The following ANKHD1 variants were observed in gnomAD, a reference collection of about 807,000 sequenced individuals.
ANKHD1 encodes ankyrin repeat and KH domain-containing protein 1.
In ANKHD1, 31 loss-of-function variants were observed where a neutral mutation model predicts 230.5. That is an observed-to-expected ratio of 0.13 (90% CI 0.10 to 0.18). The LOEUF (loss-of-function observed/expected upper bound fraction) is 0.18, where lower values mean the gene tolerates loss of function less well. Ranked by LOEUF, ANKHD1 falls within the 10% of genes least tolerant of loss-of-function variation. The probability of loss-of-function intolerance (pLI) is 1.00; values close to 1 mark genes in which losing one functional copy is unlikely to be tolerated. For synonymous variants in ANKHD1, 1,074 were observed against 1,117.6 expected, an observed-to-expected ratio of 0.96 and a Z score of 0.78; for missense variants, 2,256 against 3,071.3, an observed-to-expected ratio of 0.73 and a Z score of 6.27.
At chr5:140,423,390 T>A in intron 1 of ANKHD1, among the ~76,000 whole-genome samples, 1 of 152,180 alleles carries the variant, frequency 6.6e-6, no homozygotes. Context: ...CTCTAAAGAT[T>A]GATATTTGAG....
At chr5:140,468,359 T>G (rs543579208) in intron 10 of ANKHD1, among the ~76,000 whole-genome samples, 6 of 152,208 alleles carry the variant, frequency 3.9e-5, no homozygotes, top group African/African-American at 1.4e-4. Flanking sequence ...TTTGTTGCTT[T>G]CTTTGGACTG....
rs557868571 is a variant in ANKHD1 at position 140,527,630 on chromosome 5, A to G, written c.5088-243A>G. On this transcript the variant is annotated intron_variant, in intron 27 of 33. Coordinates refer to ENST00000360839, the MANE Select transcript of ANKHD1 (RefSeq NM_017747.3). This position sits in a 1 kb window ranked among gnomAD's most constrained non-coding sequence, Gnocchi z 4.5. ...GATTTAAATATAATTTTTGTTTTCA[A>G]TGGCAGTGTAATTTTTAAAATTAGG... Among the ~76,000 whole-genome samples the G allele has an allele frequency of 2.4e-4, 36 of 152,332 alleles. No homozygotes were observed. Among genetic ancestry groups the G allele is most frequent in the East Asian group, 5.8e-4 (3 of 5,196 alleles).
chr5:140,535,146 G>T (rs1216162186), intron 29 of ANKHD1, among the ~76,000 whole-genome samples: 1 of 152,088 alleles, frequency 6.6e-6, no homozygotes, highest in Non-Finnish European at 1.5e-5. Context: ...GCTGTTTGGC[G>T]ATATTCTTCT....
intron 24 of ANKHD1, among the ~76,000 whole-genome samples, chr5:140,518,824 A>G (rs1753175964): frequency 6.6e-6 from 1 of 152,210 alleles, no homozygotes; most frequent in Non-Finnish European, 1.5e-5. Flanking sequence ...CCCACAGCCA[A>G]TATCATACTG....
chr5:140,411,803 C>T (rs557101379), intron 1 of ANKHD1, among the ~76,000 whole-genome samples: 2 of 151,686 alleles, frequency 1.3e-5, no homozygotes, highest in East Asian at 3.9e-4. Context: ...GGATTATAGG[C>T]TTGAGCCACT....
chr5:140,424,054 G>A (rs558409776), intron 1 of ANKHD1, among the ~76,000 whole-genome samples: 3 of 152,148 alleles, frequency 2.0e-5, no homozygotes, highest in South Asian at 2.1e-4. Context: ...AGGATTTGGC[G>A]TTGTCTATCT....
rs1753589677 is a variant in ANKHD1 at position 140,525,921 on chromosome 5, A to G, written c.4493-75A>G. 3.4e-6 allele frequency: 5 copies of G among 1,463,402 alleles called. No individual in the cohort carries two copies. In the South Asian group the frequency reaches 7.4e-5, roughly 22 times the overall value. 90.7% of individuals were successfully genotyped at this position (1,463,402 alleles called of 1,614,324 possible). On this transcript the variant is annotated intron_variant, in intron 25 of 33. Coordinates refer to ENST00000360839, the MANE Select transcript of ANKHD1 (RefSeq NM_017747.3). ...GTAAAACACTGAATTATTATGAATTATCAAATATATTCTGTCAGAATTTGT... is the reference window on the plus strand; with the variant it reads ...GTAAAACACTGAATTATTATGAATTGTCAAATATATTCTGTCAGAATTTGT...
At chr5:140,537,689 A>T in intron 31 of ANKHD1, 100 bp downstream of exon 31, 1 of 1,436,884 alleles carries the variant, frequency 7.0e-7, no homozygotes. Context: ...AAAAAAACTT[A>T]GTTCCTATGT....
rs769072667 is a variant in ANKHD1, at chr5:140,529,709, C to T, written c.6763C>T (p.Leu2255Phe). 8.7e-6 allele frequency: 14 copies of T among 1,614,066 alleles called. No individual in the cohort carries two copies. The South Asian group carries it at 1.1e-4, about 13-fold the overall frequency. The change falls in exon 29 of 34, where the codon CTT (leucine) becomes TTT (phenylalanine). Residue 2255 changes from leucine (L) to phenylalanine (F), a missense_variant. Coordinates refer to ENST00000360839, the MANE Select transcript of ANKHD1 (RefSeq NM_017747.3). The part of the protein sequence containing the change: ...VQSAFLGNSV[L>F]GHLENMHPDN... The stretch of plus-strand genomic sequence containing the variant: ...GTCAGCGTTCCTGGGTAACTCAGTG[C>T]TTGGACACTTGGAAAACATGCACCC...
chr5:140,414,364 A>G (rs945144444), intron 1 of ANKHD1, among the ~76,000 whole-genome samples: 10 of 152,126 alleles, frequency 6.6e-5, no homozygotes, highest in African/African-American at 2.2e-4. Flanking sequence ...ACAGTTATTT[A>G]TGTTTGTTTT....
rs1293223115 is a variant in ANKHD1, at chr5:140,402,000, C to T, written c.33C>T (p.Ser11=). The change falls in exon 1 of 34, where the codon TCC becomes TCT. Residue 11 remains serine, a synonymous_variant. Transcript: ENST00000360839. ...CTGATAGCGGAGGCGGCGGCACCTC[C>T]TTTGAGGAGGACCTGGACTCTGTGG... MLTDSGGGGT[S]FEEDLDSVAP... 6.4e-7 allele frequency: 1 copy of T among 1,554,976 alleles called. No homozygotes were observed. The highest frequency in any genetic ancestry group is 1.2e-5 in the South Asian group (1 of 83,720).
At chr5:140,501,725 G>A (rs1052866171) in intron 15 of ANKHD1, among the ~76,000 whole-genome samples, 1 of 151,276 alleles carries the variant, frequency 6.6e-6, no homozygotes, top group Non-Finnish European at 1.5e-5. Flanking sequence ...CTCCAGCCTG[G>A]GTAACAGAGC....
intron 2 of ANKHD1, among the ~76,000 whole-genome samples, 154 bp from the exon 3 acceptor site, chr5:140,438,307 A>G (rs1773603185): frequency 6.6e-6 from 1 of 152,220 alleles, no homozygotes; most frequent in Non-Finnish European, 1.5e-5. Flanking sequence ...GCAGAATTGA[A>G]TTGATAAGCC....
At chr5:140,516,696 G>A (rs1453951482) in intron 24 of ANKHD1, among the ~76,000 whole-genome samples, 20 of 152,052 alleles carry the variant, frequency 1.3e-4, no homozygotes, top group African/African-American at 4.1e-4. Context: ...ACTAAGCTTT[G>A]TAAGTGAAGG....
intron 15 of ANKHD1, among the ~76,000 whole-genome samples, chr5:140,500,678 A>AAGAAT (rs2127043792): frequency 6.6e-6 from 1 of 151,760 alleles, no homozygotes; most frequent in Admixed American, 6.6e-5. Context: ...AAGAAAAGAA[A>AAGAAT]AACTGAAGCT....
chr5:140,515,331 G>A (rs1752951490), intron 24 of ANKHD1, among the ~76,000 whole-genome samples: 1 of 152,008 alleles, frequency 6.6e-6, no homozygotes, highest in Non-Finnish European at 1.5e-5. Flanking sequence ...CTGCCTAAGT[G>A]GTTTTAACAT....
chr5:140,406,329 CT>C (rs1770442492), intron 1 of ANKHD1, among the ~76,000 whole-genome samples: 1 of 151,892 alleles, frequency 6.6e-6, no homozygotes, highest in Non-Finnish European at 1.5e-5. Flanking sequence ...TGAAGTTTGT[CT>C]TGTTGCTCTA....
intron 9 of ANKHD1, among the ~76,000 whole-genome samples, chr5:140,461,958 C>T (rs1431073500): frequency 1.3e-5 from 2 of 151,870 alleles, no homozygotes; most frequent in Non-Finnish European, 2.9e-5. Context: ...TCTCTTAAGC[C>T]TTTTTTAATC....
At chr5:140,402,336 C>T in intron 1 of ANKHD1, 63 bp downstream of exon 1, 1 of 1,395,606 alleles carries the variant, frequency 7.2e-7, no homozygotes, top group South Asian at 1.6e-5. Context: ...TGGGTAGGCT[C>T]TGGGCCGGGG....
Sources: allele counts gnomAD v4.1 joint callset (sites outside exome capture counted in the v4.1 genomes callset), GRCh38; gene constraint gnomAD v4.1.1; non-coding constraint Gnocchi (gnomAD v3.1); transcripts MANE v1.5; gene names NCBI Gene and HGNC (gene_info 2026-07-23, HGNC 2026-07-21).